Variants in ANKH observed in about 807,000 individuals in gnomAD.
ANKH encodes ANKH inorganic pyrophosphate transport regulator.
A neutral mutation model predicts 49.0 loss-of-function variants in ANKH; 15 were observed. That is an observed-to-expected ratio of 0.31 (90% CI 0.20 to 0.47). The LOEUF is 0.47. Ranked by LOEUF, ANKH falls within the 20% of genes least tolerant of loss-of-function variation. The pLI is 1.00. For synonymous variants in ANKH, 273 were observed against 260.0 expected (o/e 1.05, Z -0.48); for missense variants, 429 against 652.0 (o/e 0.66, Z 3.72).
At chr5:14,797,634 T>C in intron 1 of ANKH, 1 of 1,601,756 alleles carries the variant, frequency 6.2e-7, no homozygotes, top group Non-Finnish European at 8.5e-7. Flanking sequence ...TGAACGAGTA[T>C]CCCAAATCAT....
chr5:14,855,754 C>T (rs1252318912), intron 1 of ANKH, among the ~76,000 whole-genome samples: 1 of 149,380 alleles, frequency 6.7e-6, no homozygotes, highest in East Asian at 2.0e-4. Flanking sequence ...GCATACGTTA[C>T]TTAAATATTA....
At chr5:14,816,201 G>A (rs758318006) in intron 1 of ANKH, among the ~76,000 whole-genome samples, 1 of 152,138 alleles carries the variant, frequency 6.6e-6, no homozygotes, top group African/African-American at 2.4e-5. Context: ...GAGGTTGAAG[G>A]GCAGAGGACA....
chr5:14,834,881 T>G (rs956949591), intron 1 of ANKH, among the ~76,000 whole-genome samples: 1 of 152,186 alleles, frequency 6.6e-6, no homozygotes. Context: ...CATAGGATTA[T>G]TTAGAAGATT....
chr5:14,809,834 C>G lies in ANKH; in HGVS notation c.97-40643G>C, dbSNP rs537213616. ...TGACTCAATAGGAGGGATCCTTCCTCTGAGTCAGCCCCGTCTCGGTGTGAC... is the reference window on the plus strand; with the variant it reads ...TGACTCAATAGGAGGGATCCTTCCTGTGAGTCAGCCCCGTCTCGGTGTGAC... On this transcript the variant is annotated intron_variant, in intron 1 of 11. Transcript: ENST00000284268. Among the ~76,000 whole-genome samples, 8 of 152,102 alleles carry G rather than the reference C, an allele frequency of 5.3e-5. No individual in the cohort carries two copies. The South Asian group carries it at 1.7e-3, about 32-fold the overall frequency.
chr5:14,762,332 G>A (rs1157981196), intron 2 of ANKH, among the ~76,000 whole-genome samples: 1 of 152,180 alleles, frequency 6.6e-6, no homozygotes, highest in East Asian at 1.9e-4. Flanking sequence ...CATTCTCCTG[G>A]GGATGAGCCC....
Position 14,711,063 on chromosome 5 carries a change from C to T in ANKH, c.*134G>A. The T allele has an allele frequency of 1.2e-6, 1 of 815,378 alleles. No individual in the cohort carries two copies. The highest frequency in any genetic ancestry group is 1.4e-5 in the South Asian group (1 of 73,852). The allele number at this position is 815,378 out of a possible 1,614,324, so 50.5% of individuals were successfully genotyped here. ...GTATGCTAGAGAATTGACACGAAACCTTTAAATCAAGGCCTCTTTCATTAC... is the reference window on the plus strand; with the variant it reads ...GTATGCTAGAGAATTGACACGAAACTTTTAAATCAAGGCCTCTTTCATTAC... On this transcript the variant is annotated 3_prime_UTR_variant, in exon 12 of 12. Coordinates refer to ENST00000284268, the MANE Select transcript of ANKH (RefSeq NM_054027.6).
At position 14,706,218 on chromosome 5, in the gene ANKH, T is replaced by C. The variant is rs1736941770; in HGVS notation, c.*4979A>G. On this transcript the variant is annotated 3_prime_UTR_variant, in exon 12 of 12. Transcript: ENST00000284268. Reference sequence around the variant, plus strand: ...GCCTAACTTAAAAACAGGTACTATATAAAAAAAATTTGCTGAATCTATGTG... The same window carrying C: ...GCCTAACTTAAAAACAGGTACTATACAAAAAAAATTTGCTGAATCTATGTG... 1 of 152,150 alleles carries C rather than the reference T, an allele frequency of 6.6e-6. No individual in the cohort carries two copies. The highest frequency in any genetic ancestry group is 6.5e-5 in the Admixed American group (1 of 15,282). 9.4% of individuals were successfully genotyped at this position (152,150 alleles called of 1,614,324 possible).
intron 8 of ANKH, 55 bp downstream of exon 8, chr5:14,741,772 G>A: frequency 7.5e-7 from 1 of 1,324,892 alleles, no homozygotes. Flanking sequence ...ATAGCAACTT[G>A]CCCCTTTACA....
intron 1 of ANKH, among the ~76,000 whole-genome samples, chr5:14,841,753 G>A (rs1188698932): frequency 6.6e-6 from 1 of 152,054 alleles, no homozygotes; most frequent in Non-Finnish European, 1.5e-5. Context: ...TTTCCGCCAA[G>A]CCCCCAGCAA....
At chr5:14,724,787 C>T (rs1233495537) in intron 8 of ANKH, among the ~76,000 whole-genome samples, 8 of 152,160 alleles carry the variant, frequency 5.3e-5, no homozygotes, top group Non-Finnish European at 1.0e-4. Flanking sequence ...CACGGTGGGA[C>T]GGCCGTTTCT....
chr5:14,863,412 G>A (rs904009418), intron 1 of ANKH, among the ~76,000 whole-genome samples: 1 of 152,066 alleles, frequency 6.6e-6, no homozygotes, highest in Non-Finnish European at 1.5e-5. Flanking sequence ...GCTATGTTAT[G>A]ATTTGCCATA....
Position 14,838,433 on chromosome 5 carries a change from A to G in ANKH, c.96+32919T>C, listed in dbSNP as rs1458986527. ...ATATTAAAAAAGTATAATTAAATAA[A>G]TAAACAAGAAAAAGAAAAAAAAATC... is the stretch of plus-strand genomic sequence containing the variant. On this transcript the variant is annotated intron_variant, in intron 1 of 11. Transcript: ENST00000284268. 2.6e-5 allele frequency among the ~76,000 whole-genome samples: 4 copies of G among 151,044 alleles called. No individual in the cohort carries two copies. In the South Asian group the frequency reaches 6.2e-4, roughly 23 times the overall value.
chr5:14,718,064 T>A (rs1737537824), intron 8 of ANKH, among the ~76,000 whole-genome samples: 1 of 152,112 alleles, frequency 6.6e-6, no homozygotes, highest in South Asian at 2.1e-4. Context: ...TGACTGGAAA[T>A]GGTCTCTGAG....
intron 4 of ANKH, 151 bp from the exon 5 acceptor site, chr5:14,751,390 A>G (rs1356503802): frequency 4.0e-6 from 3 of 745,620 alleles, no homozygotes; most frequent in Admixed American, 2.1e-5. Context: ...TGATGACCCA[A>G]TGTCGCTCTC....
chr5:14,823,668 T>C (rs1487726344), intron 1 of ANKH, among the ~76,000 whole-genome samples: 1 of 152,260 alleles, frequency 6.6e-6, no homozygotes, highest in Non-Finnish European at 1.5e-5. Flanking sequence ...TGCTGATGCC[T>C]GTAATCCCAG....
At chr5:14,755,980 C>CTTCA in intron 3 of ANKH, 36 bp from the exon 4 acceptor site, 1 of 1,556,588 alleles carries the variant, frequency 6.4e-7, no homozygotes, top group Admixed American at 1.7e-5. Flanking sequence ...TGAGATACAC[C>CTTCA]TTCAGGATTA....
At chr5:14,773,456 C>T (rs1276609514) in intron 1 of ANKH, among the ~76,000 whole-genome samples, 2 of 144,630 alleles carry the variant, frequency 1.4e-5, no homozygotes, top group South Asian at 4.4e-4. Flanking sequence ...GGACTTGAGT[C>T]CTCAAGCCAG....
At chr5:14,775,142 T>A (rs964255381) in intron 1 of ANKH, among the ~76,000 whole-genome samples, 1 of 152,070 alleles carries the variant, frequency 6.6e-6, no homozygotes. Flanking sequence ...CCCTGCAGCC[T>A]CAACCTCCTG....
At chr5:14,867,653 G>A (rs372244305) in intron 1 of ANKH, among the ~76,000 whole-genome samples, 2,161 of 151,952 alleles carry the variant, frequency 0.014, 48 homozygotes, top group African/African-American at 0.049. Context: ...TCCGCTTCCC[G>A]GGTTCACGCC....
Sources: allele counts gnomAD v4.1 joint callset (sites outside exome capture counted in the v4.1 genomes callset), GRCh38; gene constraint gnomAD v4.1.1; transcripts MANE v1.5; gene names NCBI Gene and HGNC (gene_info 2026-07-23, HGNC 2026-07-21).